Variants in STARD13 observed in about 807,000 individuals in gnomAD.
The protein encoded by STARD13 is stAR-related lipid transfer protein 13.
STARD13 carries 62 observed loss-of-function variants against 106.4 expected under a neutral mutation model. The observed-to-expected ratio is 0.58, with a 90% CI of 0.48 to 0.72. The LOEUF is 0.72. STARD13 is among the 30% of genes least tolerant of loss of function. The pLI, the probability that STARD13 is intolerant of heterozygous loss-of-function variation, is 0.00. For synonymous variants in STARD13, 565 were observed against 553.0 expected (o/e 1.02, Z -0.31); for missense variants, 1,387 against 1,424.0 (o/e 0.97, Z 0.42).
intron 4 of STARD13, among the ~76,000 whole-genome samples, chr13:33,137,328 C>A (rs1408523743): frequency 6.6e-6 from 1 of 152,134 alleles, no homozygotes; most frequent in East Asian, 1.9e-4. Context: ...GTGTATGCAC[C>A]ATAAGGTCTC....
At chr13:33,600,903 G>T in the STARD13 span, among the ~76,000 whole-genome samples, 1 of 143,724 alleles carries the variant, frequency 7.0e-6, no homozygotes, top group Non-Finnish European at 1.5e-5. Context: ...ACTTGTGTTT[G>T]CTATCTTCTC....
At chr13:33,437,224 C>G in the STARD13 span, among the ~76,000 whole-genome samples, 1 of 152,146 alleles carries the variant, frequency 6.6e-6, no homozygotes, top group Non-Finnish European at 1.5e-5. Flanking sequence ...AATCCCTATC[C>G]TGTTTTGTTC....
the STARD13 span, among the ~76,000 whole-genome samples, chr13:33,470,006 C>T: frequency 6.6e-6 from 1 of 152,122 alleles, no homozygotes; most frequent in Non-Finnish European, 1.5e-5. Flanking sequence ...CTGCACCCAT[C>T]AACCCATCAT....
the STARD13 span, among the ~76,000 whole-genome samples, chr13:33,546,914 T>C: frequency 6.6e-6 from 1 of 152,218 alleles, no homozygotes; most frequent in Non-Finnish European, 1.5e-5. Flanking sequence ...AGATACTTTT[T>C]TTTGGAATAG....
the STARD13 span, among the ~76,000 whole-genome samples, chr13:33,382,809 G>A: frequency 1.3e-5 from 2 of 152,054 alleles, no homozygotes; most frequent in South Asian, 4.2e-4. Flanking sequence ...CCACCGATAA[G>A]CATTATAGAA....
chr13:33,280,967 G>A (rs749930044), intron 1 of STARD13: 1 of 152,162 alleles, frequency 6.6e-6, no homozygotes, highest in Non-Finnish European at 1.5e-5. Context: ...TTGAGAAACT[G>A]TAGAACAATT....
the STARD13 span, among the ~76,000 whole-genome samples, chr13:33,588,078 T>A: frequency 1.3e-5 from 2 of 152,170 alleles, no homozygotes; most frequent in Admixed American, 1.3e-4. Flanking sequence ...TACCCATTTA[T>A]CATTTAGCAC....
At chr13:33,491,665 A>G in the STARD13 span, among the ~76,000 whole-genome samples, 1 of 152,228 alleles carries the variant, frequency 6.6e-6, no homozygotes, top group African/African-American at 2.4e-5. Context: ...TTATTTGCAC[A>G]TTACAACCTT....
chr13:33,534,984 G>C, the STARD13 span, among the ~76,000 whole-genome samples: 1 of 152,150 alleles, frequency 6.6e-6, no homozygotes, highest in Non-Finnish European at 1.5e-5. Context: ...AGGAGGCTGA[G>C]GCGGGCGGAT....
At chr13:33,464,042 T>TATATATA in the STARD13 span, among the ~76,000 whole-genome samples, 1 of 132,974 alleles carries the variant, frequency 7.5e-6, no homozygotes, top group East Asian at 2.1e-4. Flanking sequence ...TATATATATA[T>TATATATA]GTATATGTAT....
At chr13:33,369,288 A>T in the STARD13 span, among the ~76,000 whole-genome samples, 1 of 146,112 alleles carries the variant, frequency 6.8e-6, no homozygotes, top group African/African-American at 2.5e-5. Flanking sequence ...TTCTGCTGAC[A>T]CAGATGAAAT....
the STARD13 span, among the ~76,000 whole-genome samples, chr13:33,584,326 T>C: frequency 2.6e-5 from 4 of 151,982 alleles, no homozygotes; most frequent in South Asian, 4.1e-4. Context: ...CCTCAGGAAA[T>C]TTACAATCAT....
intron 2 of STARD13, among the ~76,000 whole-genome samples, chr13:33,167,015 C>CAAAAAAA (rs1010175989): frequency 1.4e-5 from 2 of 139,244 alleles, no homozygotes; most frequent in Admixed American, 7.1e-5. Flanking sequence ...AAAAAAAAAC[C>CAAAAAAA]AAAAAAAAAT....
At chr13:33,517,143 A>T in the STARD13 span, among the ~76,000 whole-genome samples, 1,047 of 152,126 alleles carry the variant, frequency 6.9e-3, 13 homozygotes, top group African/African-American at 0.023. Flanking sequence ...GCTCAGTTTG[A>T]TGGGCAATGC....
chr13:33,285,844 G>C (rs1892034823), upstream of STARD13: 1 of 1,223,474 alleles, frequency 8.2e-7, no homozygotes, highest in South Asian at 1.9e-5. Flanking sequence ...GAGGAAGAGA[G>C]GAAAATGGGA....
intron 1 of STARD13, among the ~76,000 whole-genome samples, chr13:33,197,628 C>T (rs1207460135): frequency 1.3e-5 from 2 of 152,218 alleles, no homozygotes; most frequent in African/African-American, 2.4e-5. Context: ...GCCCAGCATT[C>T]GACACAGTGC....
At chr13:33,248,891 A>G (rs1483145051) in intron 1 of STARD13, among the ~76,000 whole-genome samples, 1 of 152,242 alleles carries the variant, frequency 6.6e-6, no homozygotes, top group Admixed American at 6.5e-5. Context: ...TGAACATATC[A>G]TCTAGTTTTC....
chr13:33,437,242 G>A, the STARD13 span, among the ~76,000 whole-genome samples: 1 of 152,100 alleles, frequency 6.6e-6, no homozygotes, highest in African/African-American at 2.4e-5. Flanking sequence ...TTCCAATCTA[G>A]TTACCGGTGC....
At chr13:33,505,807 T>G in the STARD13 span, among the ~76,000 whole-genome samples, 5 of 152,164 alleles carry the variant, frequency 3.3e-5, no homozygotes, top group African/African-American at 1.2e-4. Flanking sequence ...TCCACAAATA[T>G]ATTTATTTCA....
Sources: allele counts gnomAD v4.1 joint callset (sites outside exome capture counted in the v4.1 genomes callset), GRCh38; gene constraint gnomAD v4.1.1; transcripts MANE v1.5; gene names NCBI Gene and HGNC (gene_info 2026-07-23, HGNC 2026-07-21).